RBBP4: variants seen among roughly 807,000 people sequenced by gnomAD.
RBBP4 encodes RB binding protein 4, chromatin remodeling factor.
A neutral mutation model predicts 57.2 loss-of-function variants in RBBP4; 3 were observed. The observed-to-expected ratio is 0.05, with a 90% confidence interval of 0.02 to 0.14. The LOEUF is 0.14. Among genes scored for constraint, RBBP4 ranks in the 10% least tolerant of loss-of-function variants. The pLI, the probability that RBBP4 is intolerant of heterozygous loss-of-function variation, is 1.00. For synonymous variants in RBBP4, 151 were observed against 171.5 expected (o/e 0.88, Z 0.93); for missense variants, 107 against 520.6 (o/e 0.21, Z 7.73).
chr1:32,674,721 T>A (rs181335394), intron 11 of RBBP4, among the ~76,000 whole-genome samples: 2 of 150,684 alleles, frequency 1.3e-5, no homozygotes, highest in African/African-American at 2.4e-5. Flanking sequence ...ATTTCTTTAT[T>A]TTTTTTTTAA....
rs745563671 is a variant in RBBP4 at position 32,669,395 on chromosome 1, C to G, written c.888+38C>G. ...TATTTTAATAGAAAACATAATTTCT[C>G]TAGGTTTTTTTGAATTGCAGAGATA... On this transcript the variant is annotated intron_variant, in intron 7 of 11. Transcript: ENST00000373493. The surrounding 1 kb of genome is among the most constrained non-coding windows in gnomAD (Gnocchi z 4.9). 4.4e-6 allele frequency: 7 copies of G among 1,573,626 alleles called. No individual in the cohort carries two copies. In the Admixed American group the frequency reaches 8.2e-5, roughly 19 times the overall value.
Position 32,680,058 on chromosome 1 carries a change from CA to C in RBBP4, c.*356del. ...GGCTAGAGTGAGTAAGGAATAGAGC[CA>C]AATGAGGTAGGTGTCTGAGCCATGA... On this transcript the variant is annotated 3_prime_UTR_variant, in exon 12 of 12. Coordinates refer to ENST00000373493, the MANE Select transcript of RBBP4 (RefSeq NM_005610.3). The C allele has an allele frequency of 9.3e-7, 1 of 1,078,858 alleles. No homozygotes were observed. Among genetic ancestry groups the C allele is most frequent in the Non-Finnish European group, 1.1e-6 (1 of 891,736 alleles). The allele number at this position is 1,078,858 out of a possible 1,614,324, so 66.8% of individuals were successfully genotyped here.
intron 3 of RBBP4, chr1:32,662,181 G>GGTTTTTTT (rs1396064578): frequency 1.9e-5 from 6 of 320,600 alleles, no homozygotes; most frequent in Admixed American, 7.3e-5. Context: ...ACCGCGCCCG[G>GGTTTTTTT]GTTTTTTTGT....
At chr1:32,654,772 C>T (rs12042574) in intron 2 of RBBP4, among the ~76,000 whole-genome samples, 5,857 of 152,234 alleles carry the variant, frequency 0.038, 223 homozygotes, top group East Asian at 0.11. Context: ...GAGCTCACTG[C>T]AACCTCCGCC....
Position 32,661,301 on chromosome 1 carries a change from C to CTTTTTT in RBBP4, c.310+3729_310+3730insTTTTTT, listed in dbSNP as rs370489912. On this transcript the variant is annotated intron_variant, in intron 3 of 11. Transcript: ENST00000373493. ...TTGAATGGTAGTTCTATTTTTAGTT[C>CTTTTTT]CTTTTTTTTTTTTTTTGAGATGGAG... Among the ~76,000 whole-genome samples, 2 of 132,102 alleles carry CTTTTTT rather than the reference C, an allele frequency of 1.5e-5. 1 individual carries two copies. Among genetic ancestry groups the CTTTTTT allele is most frequent in the Non-Finnish European group, 3.1e-5 (2 of 64,962 alleles). The allele number at this position is 132,102 out of a possible 152,430, so 86.7% of individuals were successfully genotyped here.
intron 8 of RBBP4, among the ~76,000 whole-genome samples, chr1:32,670,202 A>G (rs1648811383): frequency 6.6e-6 from 1 of 152,224 alleles, no homozygotes; most frequent in Non-Finnish European, 1.5e-5. Flanking sequence ...AAATTTACAA[A>G]GAAAGGAAAA....
intron 3 of RBBP4, among the ~76,000 whole-genome samples, chr1:32,666,097 G>T (rs1648635070): frequency 1.3e-5 from 2 of 152,116 alleles, no homozygotes; most frequent in Non-Finnish European, 2.9e-5. Flanking sequence ...AGGGACTTTT[G>T]TTGGCATGTG....
At position 32,679,622 on chromosome 1, in the gene RBBP4, T is replaced by C. The variant is rs768351323; in HGVS notation, c.1213-18T>C. On this transcript the variant is annotated intron_variant, in intron 11 of 11. Transcript: ENST00000373493. The stretch of plus-strand genomic sequence containing the variant: ...AAGAAGTCTTCATGTTTAAATTCTT[T>C]TTCTTGTTTTTGGGCAGGCAGAGAA... 13 of 1,558,942 alleles carry C rather than the reference T, an allele frequency of 8.3e-6. No individual in the cohort carries two copies. The Middle Eastern group carries it at 5.1e-4, about 62-fold the overall frequency.
intron 11 of RBBP4, among the ~76,000 whole-genome samples, chr1:32,674,450 T>G (rs1423922575): frequency 6.6e-6 from 1 of 152,118 alleles, no homozygotes; most frequent in Non-Finnish European, 1.5e-5. Context: ...GCCAGTCTGG[T>G]CTTGAACTTG....
At position 32,684,183 on chromosome 1, in the gene RBBP4, T is replaced by G. The variant is rs1649649103; in HGVS notation, c.*4478T>G. The G allele has an allele frequency of 2.5e-6, 4 of 1,605,796 alleles. No homozygotes were observed. The highest frequency in any genetic ancestry group is 3.4e-6 in the Non-Finnish European group (4 of 1,174,758). On this transcript the variant is annotated 3_prime_UTR_variant, in exon 12 of 12. Transcript: ENST00000373493. Reference sequence around the variant, plus strand: ...CCTCTTTTTGTTTTTGATTCTAAGGTAAAATTTTCCCTAAGCCCTCCCACC... The same window carrying G: ...CCTCTTTTTGTTTTTGATTCTAAGGGAAAATTTTCCCTAAGCCCTCCCACC...
chr1:32,678,919 C>G (rs1450580462), intron 11 of RBBP4, among the ~76,000 whole-genome samples: 2 of 152,082 alleles, frequency 1.3e-5, no homozygotes, highest in Non-Finnish European at 2.9e-5. Context: ...AATAATATTC[C>G]ATCATATGGA....
intron 2 of RBBP4, among the ~76,000 whole-genome samples, chr1:32,655,789 A>G (rs1201873504): frequency 6.6e-6 from 1 of 152,034 alleles, no homozygotes; most frequent in Non-Finnish European, 1.5e-5. Context: ...CTCTTTCTCC[A>G]TTTTATAGGC....
chr1:32,652,100 C>G, intron 2 of RBBP4, 39 bp downstream of exon 2: 1 of 1,581,834 alleles, frequency 6.3e-7, no homozygotes, highest in Non-Finnish European at 8.6e-7. Flanking sequence ...GATGTATTTT[C>G]AGTGTAGATT....
At position 32,676,612 on chromosome 1, in the gene RBBP4, CAAAAAAA is replaced by C. The variant is rs1229475952; in HGVS notation, c.1213-3018_1213-3012del. ...GGGCAACAAGAGCAAAACTCCATCT[CAAAAAAA>C]AAAAAAAAAGAAAAAGAAAAGCTGT... On this transcript the variant is annotated intron_variant, in intron 11 of 11. Transcript: ENST00000373493. Among the ~76,000 whole-genome samples the C allele has an allele frequency of 9.7e-3, 561 of 57,936 alleles. 7 individuals are homozygous for C. Among genetic ancestry groups the C allele is most frequent in the South Asian group, 0.027 (40 of 1,472 alleles). 38.0% of individuals were successfully genotyped at this position (57,936 alleles called of 152,430 possible).
Position 32,683,649 on chromosome 1 carries a change from G to GT in RBBP4, c.*3948dup, listed in dbSNP as rs1448222941. ...TTTTTGTTTTTTGGGTTTTTGTTTTGTTTTGAGGCAGTCTCACTCTGTTGT... is the reference window on the plus strand; with the variant it reads ...TTTTTGTTTTTTGGGTTTTTGTTTTGTTTTTGAGGCAGTCTCACTCTGTTGT... On this transcript the variant is annotated 3_prime_UTR_variant, in exon 12 of 12. Transcript: ENST00000373493. The GT allele has an allele frequency of 6.1e-6, 1 of 164,772 alleles. No homozygotes were observed. Among genetic ancestry groups the GT allele is most frequent in the Non-Finnish European group, 1.3e-5 (1 of 76,558 alleles). The allele number at this position is 164,772 out of a possible 1,614,324, so 10.2% of individuals were successfully genotyped here. A position where few individuals can be genotyped will look rare whatever the true frequency, so the allele number is the denominator to read the frequency against.
At chr1:32,674,399 A>G (rs1649006611) in intron 11 of RBBP4, among the ~76,000 whole-genome samples, 1 of 151,994 alleles carries the variant, frequency 6.6e-6, no homozygotes, top group Non-Finnish European at 1.5e-5. Flanking sequence ...AGCCCTGGTT[A>G]ATTTTTAAAA....
At chr1:32,661,311 T>TTA (rs1242579982) in intron 3 of RBBP4, among the ~76,000 whole-genome samples, 10 of 149,474 alleles carry the variant, frequency 6.7e-5, no homozygotes, top group Non-Finnish European at 1.3e-4. Flanking sequence ...CCTTTTTTTT[T>TTA]TTTTTTGAGA....
intron 11 of RBBP4, among the ~76,000 whole-genome samples, chr1:32,674,942 T>C (rs1318492122): frequency 1.3e-5 from 2 of 152,014 alleles, no homozygotes. Flanking sequence ...TTTCACCATG[T>C]TGGTCAGGGT....
At chr1:32,672,924 T>C in intron 11 of RBBP4, 23 bp downstream of exon 11, 1 of 1,542,926 alleles carries the variant, frequency 6.5e-7, no homozygotes, top group Non-Finnish European at 8.9e-7. Context: ...TAATTTATTT[T>C]GGGGAGGTGA....
Sources: allele counts gnomAD v4.1 joint callset (sites outside exome capture counted in the v4.1 genomes callset), GRCh38; gene constraint gnomAD v4.1.1; non-coding constraint Gnocchi (gnomAD v3.1); transcripts MANE v1.5; gene names NCBI Gene and HGNC (gene_info 2026-07-23, HGNC 2026-07-21).